The following MTA3 variants were observed in gnomAD, a reference collection of about 807,000 sequenced individuals.
MTA3 encodes the protein metastasis associated 1 family member 3.
Under a neutral mutation model 83.5 loss-of-function variants are expected in MTA3, and 34 were observed. The observed-to-expected ratio is 0.41, with a 90% CI of 0.31 to 0.54. MTA3 has a LOEUF of 0.54. MTA3 is among the 20% of genes least tolerant of loss of function. MTA3 has a pLI of 0.33. For synonymous variants in MTA3, 303 were observed against 252.7 expected, an observed-to-expected ratio of 1.20 and a Z score of -1.89; for missense variants, 761 against 726.4, an observed-to-expected ratio of 1.05 and a Z score of -0.55.
At chr2:42,642,645 T>G (rs7569981) in intron 5 of MTA3, among the ~76,000 whole-genome samples, 2,300 of 134,418 alleles carry the variant, frequency 0.017, 57 homozygotes, top group African/African-American at 0.063. Context: ...GTTAAGTTGG[T>G]TTTTTTTTTT....
intron 9 of MTA3, among the ~76,000 whole-genome samples, chr2:42,693,613 G>C (rs1693112748): frequency 6.6e-6 from 1 of 151,118 alleles, no homozygotes. Flanking sequence ...AGCTGGTGGG[G>C]AATGCTGTCC....
chr2:42,751,492 G>A (rs1669867165), intron 16 of MTA3, among the ~76,000 whole-genome samples: 2 of 152,192 alleles, frequency 1.3e-5, no homozygotes, highest in African/African-American at 4.8e-5. Flanking sequence ...AGAGGATCTG[G>A]GGAAGCTCTG....
intron 2 of MTA3, among the ~76,000 whole-genome samples, chr2:42,553,092 C>G (rs1677195401): frequency 6.6e-6 from 1 of 151,922 alleles, no homozygotes; most frequent in Non-Finnish European, 1.5e-5. Flanking sequence ...GCCTGGGCAA[C>G]ATAGGGAGAC....
At chr2:42,520,217 T>TAC (rs988925881) in intron 2 of MTA3, among the ~76,000 whole-genome samples, 4 of 152,192 alleles carry the variant, frequency 2.6e-5, no homozygotes, top group South Asian at 2.1e-4. Flanking sequence ...GCCTCTGTGC[T>TAC]ACAGTCTAAG....
chr2:42,726,660 AAT>A (rs1208097739), intron 16 of MTA3, among the ~76,000 whole-genome samples: 2 of 152,100 alleles, frequency 1.3e-5, no homozygotes, highest in African/African-American at 4.8e-5. Flanking sequence ...GGAGTCTGTG[AAT>A]TTGGGCTAGC....
intron 4 of MTA3, among the ~76,000 whole-genome samples, chr2:42,624,323 T>A (rs1685871186): frequency 6.6e-6 from 1 of 152,108 alleles, no homozygotes; most frequent in African/African-American, 2.4e-5. Context: ...TTTAATTTTT[T>A]AATTTTTTAT....
At chr2:42,616,416 CTT>C (rs1380847562) in intron 4 of MTA3, among the ~76,000 whole-genome samples, 96 of 94,454 alleles carry the variant, frequency 1.0e-3, no homozygotes, top group Admixed American at 1.9e-3. Flanking sequence ...TTGAAGATCT[CTT>C]GTCTTTTTTT....
intron 2 of MTA3, chr2:42,533,244 A>G (rs1245878018): frequency 1.3e-5 from 2 of 151,904 alleles, no homozygotes; most frequent in East Asian, 2.0e-4. Flanking sequence ...GCCCGCCACC[A>G]TGCCCGGCTA....
exon 2 of MTA3, chr2:42,495,243 A>G (rs1674079270): frequency 6.6e-6 from 1 of 152,238 alleles, no homozygotes; most frequent in East Asian, 1.9e-4. Context: ...GAAAAGGCAG[A>G]CAACTGAAAA....
In MTA3 at chr2:42,644,204, A is replaced by C; in HGVS notation, c.459A>C (p.Gly153=). The C allele has an allele frequency of 6.2e-7, 1 of 1,613,098 alleles. No homozygotes were observed. Among genetic ancestry groups the C allele is most frequent in the East Asian group, 2.2e-5 (1 of 44,790 alleles). ...CTGACAAAGGTGAAATCAGAGTGGG[A>C]CCTAGATATCAAGCAGACATTCCAG... The part of the protein sequence containing the change: ...LLADKGEIRV[G]PRYQADIPEM... The change falls in exon 6 of 17, where the codon GGA becomes GGC. Residue 153 remains glycine, a synonymous_variant. Transcript: ENST00000405094.
At chr2:42,553,038 A>T (rs561786810) in intron 2 of MTA3, among the ~76,000 whole-genome samples, 1 of 152,128 alleles carries the variant, frequency 6.6e-6, no homozygotes, top group South Asian at 2.1e-4. Context: ...GCACTTTGGA[A>T]GGCCGAGGCA....
chr2:42,585,963 A>G (rs1010285763), intron 3 of MTA3, among the ~76,000 whole-genome samples: 1 of 152,112 alleles, frequency 6.6e-6, no homozygotes, highest in Non-Finnish European at 1.5e-5. Context: ...AATTATAAAC[A>G]AGATGAATAA....
intron 4 of MTA3, among the ~76,000 whole-genome samples, chr2:42,620,278 C>A (rs941553163): frequency 6.6e-6 from 1 of 152,026 alleles, no homozygotes; most frequent in African/African-American, 2.4e-5. Context: ...ACTGCCACGC[C>A]TGGCTTATTT....
At chr2:42,518,139 C>G (rs1675242846) in intron 2 of MTA3, among the ~76,000 whole-genome samples, 1 of 151,698 alleles carries the variant, frequency 6.6e-6, no homozygotes, top group African/African-American at 2.4e-5. Flanking sequence ...CGAGATCGCA[C>G]CATTGCACTC....
At chr2:42,570,018 C>A (rs1678289222) in intron 1 of MTA3, 1 of 151,716 alleles carries the variant, frequency 6.6e-6, no homozygotes, top group Non-Finnish European at 1.5e-5. Flanking sequence ...TTTCTCCCTG[C>A]TCTGAATGTG....
At chr2:42,608,127 C>A (rs1341122176) in intron 3 of MTA3, among the ~76,000 whole-genome samples, 1 of 152,172 alleles carries the variant, frequency 6.6e-6, no homozygotes, top group African/African-American at 2.4e-5. Context: ...CGTATAAGAA[C>A]GTAAGATTTA....
chr2:42,496,257 A>G (rs1364020615), intron 2 of MTA3, among the ~76,000 whole-genome samples: 1 of 152,200 alleles, frequency 6.6e-6, no homozygotes, highest in African/African-American at 2.4e-5. Context: ...TCTTAGAGAG[A>G]TAGGCTTAAA....
chr2:42,729,609 T>C lies in MTA3; in HGVS notation c.1759+6574T>C, dbSNP rs1168750142. On this transcript the variant is annotated intron_variant, in intron 16 of 16. Coordinates refer to ENST00000405094, the MANE Select transcript of MTA3 (RefSeq NM_001330442.2). ...AAAATGAGTTTATACTGTAGATGTA[T>C]AGATTTGTTTCTGGGTTCTCCATTC... is the stretch of plus-strand genomic sequence containing the variant. 2.6e-5 allele frequency among the ~76,000 whole-genome samples: 4 copies of C among 152,208 alleles called. No homozygotes were observed. In the East Asian group the frequency reaches 7.7e-4, roughly 29 times the overall value.
At chr2:42,567,586 G>A (rs1677974569), upstream of MTA3, among the ~76,000 whole-genome samples, 1 of 151,784 alleles carries the variant, frequency 6.6e-6, no homozygotes, top group African/African-American at 2.4e-5. Flanking sequence ...GAATGGACTG[G>A]CTTCTCTAAA....
Sources: allele counts gnomAD v4.1 joint callset (sites outside exome capture counted in the v4.1 genomes callset), GRCh38; gene constraint gnomAD v4.1.1; transcripts MANE v1.5; gene names NCBI Gene and HGNC (gene_info 2026-07-23, HGNC 2026-07-21).